MARCHF3: variants seen among roughly 807,000 people sequenced by gnomAD.
MARCHF3 encodes membrane associated ring-CH-type finger 3, also known as E3 ubiquitin-protein ligase MARCHF3.
A neutral mutation model predicts 24.2 loss-of-function variants in MARCHF3; 13 were observed. That is an observed-to-expected ratio of 0.54 (90% CI 0.35 to 0.85). The LOEUF is 0.85. Ranked by LOEUF, MARCHF3 falls within the 40% of genes least tolerant of loss-of-function variation. MARCHF3 has a pLI of 0.01. For synonymous variants in MARCHF3, 144 were observed against 137.3 expected (o/e 1.05, Z -0.34); for missense variants, 276 against 325.0 (o/e 0.85, Z 1.16).
At chr5:126,946,911 T>C (rs574847792) in intron 1 of MARCHF3, among the ~76,000 whole-genome samples, 1 of 152,156 alleles carries the variant, frequency 6.6e-6, no homozygotes, top group South Asian at 2.1e-4. Context: ...AATTGGCACA[T>C]GAAGGAACTG....
intron 1 of MARCHF3, among the ~76,000 whole-genome samples, chr5:126,969,799 G>A (rs537978001): frequency 2.2e-4 from 33 of 152,246 alleles, no homozygotes; most frequent in South Asian, 1.5e-3. Flanking sequence ...GCTGGGGTGG[G>A]GCCATTAATT....
At chr5:126,949,863 C>G (rs1750158343) in intron 1 of MARCHF3, among the ~76,000 whole-genome samples, 1 of 152,134 alleles carries the variant, frequency 6.6e-6, no homozygotes, top group Non-Finnish European at 1.5e-5. Context: ...TAAGGAGTGG[C>G]AGAAGTAAAA....
intron 1 of MARCHF3, among the ~76,000 whole-genome samples, chr5:126,951,202 A>G (rs565883005): frequency 3.3e-5 from 5 of 152,180 alleles, no homozygotes; most frequent in Non-Finnish European, 5.9e-5. Flanking sequence ...GGCTTCCAGA[A>G]CATCACACTT....
intron 3 of MARCHF3, among the ~76,000 whole-genome samples, chr5:126,906,645 T>C (rs1754308893): frequency 1.3e-5 from 2 of 152,222 alleles, no homozygotes; most frequent in Admixed American, 6.5e-5. Context: ...TTTGTATTTC[T>C]GTGGGATCAG....
chr5:126,967,198 C>T (rs751648124), intron 1 of MARCHF3, among the ~76,000 whole-genome samples: 21 of 151,708 alleles, frequency 1.4e-4, no homozygotes, highest in Admixed American at 6.6e-4. Context: ...TTCAATCCAG[C>T]AATTGATTGG....
At chr5:126,897,302 G>A (rs1400992731) in intron 3 of MARCHF3, among the ~76,000 whole-genome samples, 4 of 151,814 alleles carry the variant, frequency 2.6e-5, no homozygotes, top group African/African-American at 9.7e-5. Flanking sequence ...GCCTCCCAAA[G>A]TGCTGAGATT....
chr5:126,874,022 T>C (rs921208774), intron 4 of MARCHF3, among the ~76,000 whole-genome samples: 4 of 152,204 alleles, frequency 2.6e-5, no homozygotes, highest in African/African-American at 9.7e-5. Flanking sequence ...CCAACAATAA[T>C]GTTAGGAATT....
intron 1 of MARCHF3, among the ~76,000 whole-genome samples, chr5:126,989,082 C>G (rs1441071689): frequency 6.6e-6 from 1 of 151,964 alleles, no homozygotes; most frequent in Non-Finnish European, 1.5e-5. Context: ...GAGTTTGAGA[C>G]CAGCCTGAGC....
intron 1 of MARCHF3, among the ~76,000 whole-genome samples, chr5:127,013,569 C>T (rs184634524): frequency 1.3e-5 from 2 of 152,246 alleles, no homozygotes; most frequent in East Asian, 3.9e-4. Flanking sequence ...AAAGGGATCC[C>T]TGCCAGGATC....
chr5:126,939,874 T>C (rs1749771297), intron 1 of MARCHF3, among the ~76,000 whole-genome samples: 1 of 152,168 alleles, frequency 6.6e-6, no homozygotes, highest in Non-Finnish European at 1.5e-5. Flanking sequence ...TTCATTAACA[T>C]TGAACTCATG....
intron 4 of MARCHF3, among the ~76,000 whole-genome samples, chr5:126,874,447 G>A (rs1159057996): frequency 9.9e-5 from 15 of 152,118 alleles, no homozygotes; most frequent in African/African-American, 1.7e-4. Flanking sequence ...TTAGCTGGGC[G>A]TGGTGGCACA....
intron 4 of MARCHF3, among the ~76,000 whole-genome samples, chr5:126,874,754 C>T (rs916895192): frequency 6.6e-6 from 1 of 152,128 alleles, no homozygotes; most frequent in Non-Finnish European, 1.5e-5. Context: ...TCTCTGACTG[C>T]ACTGGGGAAA....
At chr5:126,885,164 G>C (rs897663221) in intron 3 of MARCHF3, among the ~76,000 whole-genome samples, 1 of 152,134 alleles carries the variant, frequency 6.6e-6, no homozygotes, top group Non-Finnish European at 1.5e-5. Flanking sequence ...TTCTTTAGTT[G>C]TCTGTTTAGT....
At chr5:127,015,419 T>A (rs1372300112) in intron 1 of MARCHF3, among the ~76,000 whole-genome samples, 1 of 152,174 alleles carries the variant, frequency 6.6e-6, no homozygotes, top group Admixed American at 6.6e-5. Context: ...AATGATTATT[T>A]ATTCAGTTGA....
intron 3 of MARCHF3, among the ~76,000 whole-genome samples, chr5:126,905,819 C>A (rs1561418237): frequency 6.6e-6 from 1 of 152,026 alleles, no homozygotes; most frequent in Non-Finnish European, 1.5e-5. Context: ...CCTTCTCCTG[C>A]CTAATTGCCC....
intron 1 of MARCHF3, among the ~76,000 whole-genome samples, chr5:126,961,268 A>AAC (rs1750627419): frequency 6.6e-6 from 1 of 152,160 alleles, no homozygotes; most frequent in Admixed American, 6.6e-5. Context: ...AAAAGGTTTC[A>AAC]ACACATTCTC....
intron 1 of MARCHF3, among the ~76,000 whole-genome samples, chr5:126,990,798 T>C (rs1751733070): frequency 1.3e-5 from 2 of 152,172 alleles, no homozygotes; most frequent in African/African-American, 4.8e-5. Context: ...CATGAAAAAG[T>C]GCTCATCATC....
chr5:126,872,094 T>TA (rs1337971445), intron 4 of MARCHF3, among the ~76,000 whole-genome samples: 4 of 150,450 alleles, frequency 2.7e-5, no homozygotes, highest in Non-Finnish European at 4.4e-5. Flanking sequence ...TTTTTTTTTT[T>TA]TTGAGACAGA....
intron 1 of MARCHF3, among the ~76,000 whole-genome samples, chr5:127,006,987 C>G (rs913542816): frequency 1.4e-5 from 2 of 147,620 alleles, no homozygotes; most frequent in Middle Eastern, 3.2e-3. Flanking sequence ...AAAACTACTT[C>G]TTTTTTTTTT....
Sources: allele counts gnomAD v4.1 joint callset (sites outside exome capture counted in the v4.1 genomes callset), GRCh38; gene constraint gnomAD v4.1.1; transcripts MANE v1.5; gene names NCBI Gene and HGNC (gene_info 2026-07-23, HGNC 2026-07-21).